KAT2B: variants seen among roughly 807,000 people sequenced by gnomAD.
KAT2B encodes the protein lysine acetyltransferase 2B.
KAT2B carries 36 observed loss-of-function variants against 105.9 expected under a neutral mutation model. The observed-to-expected ratio is 0.34, with a 90% CI of 0.26 to 0.45. The LOEUF (loss-of-function observed/expected upper bound fraction) is 0.45, where lower values mean the gene tolerates loss of function less well. KAT2B is among the 20% of genes least tolerant of loss of function. KAT2B has a pLI of 1.00. For synonymous variants in KAT2B, 397 were observed against 377.9 expected (o/e 1.05, Z -0.59); for missense variants, 820 against 1,021.6 (o/e 0.80, Z 2.69).
intron 6 of KAT2B, among the ~76,000 whole-genome samples, chr3:20,114,589 C>A (rs1335842173): frequency 6.6e-6 from 1 of 152,150 alleles, no homozygotes; most frequent in East Asian, 1.9e-4. Flanking sequence ...AAATCGTGCT[C>A]TGAGATTCAC....
chr3:20,121,729 CATATGTGTGTGTGTGTGTGTGTGTGTGT>C, intron 8 of KAT2B, among the ~76,000 whole-genome samples: 1 of 120,372 alleles, frequency 8.3e-6, no homozygotes, highest in Non-Finnish European at 1.7e-5. Flanking sequence ...TACACATATG[CATATGTGTGTGTGTGTGTGTGTGTGTGT>C]GTGTGTGTGT....
intron 1 of KAT2B, among the ~76,000 whole-genome samples, chr3:20,061,205 A>G (rs1698094501): frequency 6.6e-6 from 1 of 152,116 alleles, no homozygotes; most frequent in Admixed American, 6.6e-5. Flanking sequence ...TACCATAGAC[A>G]CCTTATCTAA....
intron 2 of KAT2B, among the ~76,000 whole-genome samples, chr3:20,083,116 A>C (rs901177929): frequency 6.6e-6 from 1 of 152,260 alleles, no homozygotes; most frequent in Non-Finnish European, 1.5e-5. Context: ...ATTGATGCAC[A>C]TCTTGATGAG....
At chr3:20,136,355 CT>C (rs1450055652) in intron 11 of KAT2B, among the ~76,000 whole-genome samples, 1 of 152,174 alleles carries the variant, frequency 6.6e-6, no homozygotes, top group Non-Finnish European at 1.5e-5. Flanking sequence ...TTTCTAATGT[CT>C]TCTGGCTGAT....
chr3:20,118,328 T>TTGTA (rs1699243239), intron 7 of KAT2B, among the ~76,000 whole-genome samples: 1 of 139,198 alleles, frequency 7.2e-6, no homozygotes, highest in Admixed American at 7.4e-5. Context: ...TCTCCTAAAT[T>TTGTA]TGTGTGTGTG....
intron 2 of KAT2B, among the ~76,000 whole-genome samples, chr3:20,083,308 A>G (rs977826461): frequency 1.1e-4 from 16 of 152,258 alleles, no homozygotes; most frequent in Non-Finnish European, 2.2e-4. Flanking sequence ...TCTCTTTAAG[A>G]AAACATACTT....
At chr3:20,058,195 C>T (rs1172427481) in intron 1 of KAT2B, among the ~76,000 whole-genome samples, 2 of 152,090 alleles carry the variant, frequency 1.3e-5, no homozygotes, top group Admixed American at 6.5e-5. Context: ...CGGTGGCTCA[C>T]GCCTGTAATC....
At position 20,153,284 on chromosome 3, in the gene KAT2B, A is replaced by G. The variant is rs745967071; in HGVS notation, c.*759A>G. On this transcript the variant is annotated 3_prime_UTR_variant, in exon 18 of 18. Transcript: ENST00000263754. ...ATATTTGACTTTGCTTATGCAGGCC[A>G]TAAGTTCCAAAAGATAATTTCCCTG... 6.6e-6 allele frequency: 1 copy of G among 152,242 alleles called. No homozygotes were observed. Among genetic ancestry groups the G allele is most frequent in the African/African-American group, 2.4e-5 (1 of 41,474 alleles). 9.4% of individuals were successfully genotyped at this position (152,242 alleles called of 1,614,324 possible).
chr3:20,062,359 A>ATATAT, intron 1 of KAT2B, among the ~76,000 whole-genome samples: 1 of 116,164 alleles, frequency 8.6e-6, no homozygotes, highest in Non-Finnish European at 1.7e-5. Context: ...AATATATTTT[A>ATATAT]TATATAATTT....
At chr3:20,121,778 G>GTGTGTC (rs1559322776) in intron 8 of KAT2B, among the ~76,000 whole-genome samples, 2 of 138,802 alleles carry the variant, frequency 1.4e-5, no homozygotes, top group Non-Finnish European at 3.1e-5. Flanking sequence ...GTGTGTGTGT[G>GTGTGTC]TGTGTATAGC....
Position 20,149,495 on chromosome 3 carries a change from C to CAAAAAAAAAAAAAAAAAAAAAAAAA in KAT2B, c.2305+1009_2305+1033dup, listed in dbSNP as rs56091316. On this transcript the variant is annotated intron_variant, in intron 17 of 17. Coordinates refer to ENST00000263754, the MANE Select transcript of KAT2B (RefSeq NM_003884.5). ...TGGGCACTGGAGGGAGACCGTATCT[C>CAAAAAAAAAAAAAAAAAAAAAAAAA]AAAAAAAAAAAAAAAAAAAAAAAAA... 7.5e-4 allele frequency among the ~76,000 whole-genome samples: 32 copies of CAAAAAAAAAAAAAAAAAAAAAAAAA among 42,436 alleles called. 2 individuals carry two copies. Among genetic ancestry groups the CAAAAAAAAAAAAAAAAAAAAAAAAA allele is most frequent in the Admixed American group, 2.3e-3 (7 of 3,072 alleles). The allele number at this position is 42,436 out of a possible 152,430, so 27.8% of individuals were successfully genotyped here. A position where few individuals can be genotyped will look rare whatever the true frequency, so the allele number is the denominator to read the frequency against.
intron 1 of KAT2B, among the ~76,000 whole-genome samples, chr3:20,058,050 C>G (rs1292110825): frequency 2.6e-5 from 4 of 152,114 alleles, no homozygotes; most frequent in Admixed American, 2.6e-4. Context: ...GTTGTTTTGT[C>G]TTGGGTCATT....
intron 1 of KAT2B, among the ~76,000 whole-genome samples, chr3:20,042,496 A>G (rs571284583): frequency 1.3e-5 from 2 of 152,216 alleles, no homozygotes; most frequent in Non-Finnish European, 1.5e-5. Context: ...ACAAATCACC[A>G]TTAAAGAACT....
At chr3:20,118,373 T>A (rs116396788) in intron 7 of KAT2B, among the ~76,000 whole-genome samples, 8,810 of 148,360 alleles carry the variant, frequency 0.059, 301 homozygotes, top group Non-Finnish European at 0.076. Context: ...TGTGTGTATA[T>A]GTATATATAA....
intron 1 of KAT2B, among the ~76,000 whole-genome samples, chr3:20,071,076 ATATCT>A (rs1698314013): frequency 6.6e-6 from 1 of 152,148 alleles, no homozygotes; most frequent in Non-Finnish European, 1.5e-5. Flanking sequence ...AATATTAATA[ATATCT>A]TTTCTTTAAC....
intron 5 of KAT2B, among the ~76,000 whole-genome samples, chr3:20,110,469 G>A (rs1699100510): frequency 6.6e-6 from 1 of 151,738 alleles, no homozygotes; most frequent in Non-Finnish European, 1.5e-5. Flanking sequence ...CCAGGAGTTC[G>A]AGACAATCCT....
intron 7 of KAT2B, 93 bp downstream of exon 7, chr3:20,115,081 G>T: frequency 1.3e-6 from 1 of 754,442 alleles, no homozygotes. Context: ...TAGCTCTATA[G>T]TCAAATGAGC....
intron 1 of KAT2B, among the ~76,000 whole-genome samples, chr3:20,044,508 A>G (rs1697773211): frequency 6.6e-6 from 1 of 152,110 alleles, no homozygotes; most frequent in Non-Finnish European, 1.5e-5. Context: ...ATTGTGGTCC[A>G]CAAGGCCCTG....
intron 2 of KAT2B, among the ~76,000 whole-genome samples, chr3:20,089,077 G>A (rs2125192195): frequency 6.6e-6 from 1 of 152,128 alleles, no homozygotes; most frequent in Non-Finnish European, 1.5e-5. Context: ...CTGTTCAGTT[G>A]GTCTATGTAT....
Sources: allele counts gnomAD v4.1 joint callset (sites outside exome capture counted in the v4.1 genomes callset), GRCh38; gene constraint gnomAD v4.1.1; transcripts MANE v1.5; gene names NCBI Gene and HGNC (gene_info 2026-07-23, HGNC 2026-07-21).